Variants in ZCCHC7 observed in about 807,000 individuals in gnomAD.
The protein encoded by ZCCHC7 is zinc finger CCHC domain-containing protein 7.
A neutral mutation model predicts 52.0 loss-of-function variants in ZCCHC7; 35 were observed. The ratio of observed to expected loss-of-function variants is 0.67; its 90% confidence interval spans 0.51 to 0.89. ZCCHC7 has a LOEUF of 0.89. ZCCHC7 is among the 40% of genes least tolerant of loss of function. The pLI is 0.00. For synonymous variants in ZCCHC7, 217 were observed against 221.5 expected, an observed-to-expected ratio of 0.98 and a Z score of 0.18; for missense variants, 574 against 649.1, an observed-to-expected ratio of 0.88 and a Z score of 1.26.
intron 5 of ZCCHC7, among the ~76,000 whole-genome samples, chr9:37,308,757 G>A (rs1286677559): frequency 6.6e-6 from 1 of 152,042 alleles, no homozygotes; most frequent in Non-Finnish European, 1.5e-5. Context: ...GAGGCAGGTG[G>A]ATCACGAGGT....
intron 5 of ZCCHC7, among the ~76,000 whole-genome samples, chr9:37,322,763 A>G (rs971273092): frequency 6.6e-6 from 1 of 151,220 alleles, no homozygotes; most frequent in African/African-American, 2.4e-5. Flanking sequence ...TCATTGTTTT[A>G]TTTTTTCCTC....
At chr9:37,244,710 G>A (rs1243687962) in intron 2 of ZCCHC7, among the ~76,000 whole-genome samples, 1 of 151,730 alleles carries the variant, frequency 6.6e-6, no homozygotes, top group Non-Finnish European at 1.5e-5. Flanking sequence ...CTGTTTGTTG[G>A]CTATGGCTGT....
intron 6 of ZCCHC7, among the ~76,000 whole-genome samples, chr9:37,337,413 C>G (rs1302241813): frequency 9.1e-5 from 11 of 121,382 alleles, no homozygotes; most frequent in East Asian, 3.1e-4. Flanking sequence ...CCCCCCCCCC[C>G]CCAAAAAAAA....
At chr9:37,149,776 G>A (rs1464546911) in intron 2 of ZCCHC7, among the ~76,000 whole-genome samples, 1 of 152,110 alleles carries the variant, frequency 6.6e-6, no homozygotes, top group African/African-American at 2.4e-5. Flanking sequence ...TATGTAAGTT[G>A]CTTTGACAGA....
At chr9:37,148,479 A>G (rs1843539351) in intron 2 of ZCCHC7, among the ~76,000 whole-genome samples, 1 of 152,106 alleles carries the variant, frequency 6.6e-6, no homozygotes. Context: ...TTTTTCTTAG[A>G]CTGAGTTCCT....
intron 2 of ZCCHC7, among the ~76,000 whole-genome samples, chr9:37,267,880 T>A (rs1193617583): frequency 6.6e-6 from 1 of 152,044 alleles, no homozygotes; most frequent in Non-Finnish European, 1.5e-5. Context: ...AATTTTTTCA[T>A]TTTTTATAGA....
At chr9:37,190,037 A>T (rs988380425) in intron 2 of ZCCHC7, among the ~76,000 whole-genome samples, 7 of 152,120 alleles carry the variant, frequency 4.6e-5, no homozygotes, top group Admixed American at 1.3e-4. Context: ...TTATACTTCC[A>T]GCTACAGAGC....
At chr9:37,234,515 T>G (rs1320842189) in intron 2 of ZCCHC7, among the ~76,000 whole-genome samples, 1 of 152,246 alleles carries the variant, frequency 6.6e-6, no homozygotes, top group Non-Finnish European at 1.5e-5. Context: ...GTGAATGGTG[T>G]ACCCACCTCC....
chr9:37,357,333 G>A lies in ZCCHC7; in HGVS notation c.*65G>A, dbSNP rs1349980333. The A allele has an allele frequency of 1.4e-6, 2 of 1,437,542 alleles. No individual in the cohort carries two copies. Among genetic ancestry groups the A allele is most frequent in the South Asian group, 2.9e-5 (2 of 69,136 alleles). 89.0% of individuals were successfully genotyped at this position (1,437,542 alleles called of 1,614,324 possible). On this transcript the variant is annotated 3_prime_UTR_variant, in exon 9 of 9. Coordinates refer to ENST00000336755, the MANE Select transcript of ZCCHC7 (RefSeq NM_032226.3). The stretch of plus-strand genomic sequence containing the variant: ...TTGGCCTTTGTGTCTATAACCTTCT[G>A]GCACTGTGTTTATTATCTATGATTA...
chr9:37,127,006 A>G (rs1842567794), intron 2 of ZCCHC7, 64 bp downstream of exon 2: 9 of 1,562,206 alleles, frequency 5.8e-6, no homozygotes, highest in Non-Finnish European at 7.8e-6. Context: ...TGCTTTTCCT[A>G]GAGAAAAGAC....
chr9:37,323,903 A>C (rs1163892433), intron 5 of ZCCHC7, among the ~76,000 whole-genome samples: 1 of 152,168 alleles, frequency 6.6e-6, no homozygotes, highest in Non-Finnish European at 1.5e-5. Context: ...GGTAGCTATA[A>C]GTCTATGAAG....
chr9:37,283,943 T>A (rs74929511), intron 2 of ZCCHC7, among the ~76,000 whole-genome samples: 1 of 152,042 alleles, frequency 6.6e-6, no homozygotes, highest in African/African-American at 2.4e-5. Flanking sequence ...TTTTTTTTTT[T>A]AATCTATTCA....
At chr9:37,127,802 G>A (rs1424753444) in intron 2 of ZCCHC7, among the ~76,000 whole-genome samples, 1 of 152,166 alleles carries the variant, frequency 6.6e-6, no homozygotes, top group Non-Finnish European at 1.5e-5. Context: ...TGTAGATTGT[G>A]CTTGGAGCCC....
intron 2 of ZCCHC7, among the ~76,000 whole-genome samples, chr9:37,148,142 A>G (rs765427973): frequency 6.6e-6 from 1 of 152,160 alleles, no homozygotes; most frequent in Non-Finnish European, 1.5e-5. Flanking sequence ...TTGGGAACAA[A>G]GGCATAGATA....
chr9:37,316,731 T>C (rs1388645754), intron 5 of ZCCHC7, among the ~76,000 whole-genome samples: 1 of 152,166 alleles, frequency 6.6e-6, no homozygotes, highest in African/African-American at 2.4e-5. Context: ...TCTGTAATTG[T>C]AACTCTTTCC....
At chr9:37,291,805 T>C (rs1244211502) in intron 2 of ZCCHC7, among the ~76,000 whole-genome samples, 2 of 152,162 alleles carry the variant, frequency 1.3e-5, no homozygotes, top group Non-Finnish European at 2.9e-5. Context: ...GTGATTCTCC[T>C]GCCTCAGCCT....
intron 5 of ZCCHC7, among the ~76,000 whole-genome samples, chr9:37,315,169 T>C (rs1327030627): frequency 6.6e-6 from 1 of 151,644 alleles, no homozygotes; most frequent in Non-Finnish European, 1.5e-5. Context: ...TATATGCTTG[T>C]GTGTGTATAT....
chr9:37,185,203 A>G (rs1822585650), intron 2 of ZCCHC7, among the ~76,000 whole-genome samples: 1 of 152,166 alleles, frequency 6.6e-6, no homozygotes, highest in South Asian at 2.1e-4. Flanking sequence ...ATTGTATTTT[A>G]AAGTCCGCAA....
chr9:37,294,809 A>G (rs1323066966), intron 2 of ZCCHC7, among the ~76,000 whole-genome samples: 1 of 152,190 alleles, frequency 6.6e-6, no homozygotes, highest in Non-Finnish European at 1.5e-5. Context: ...GTCTCAGTCC[A>G]TAGAGCACTT....
Sources: gnomAD v4.1 joint callset for allele counts (sites outside exome capture counted in the v4.1 genomes callset) on GRCh38, gnomAD v4.1.1 for gene constraint, MANE v1.5 for transcripts, NCBI Gene and HGNC (gene_info 2026-07-23, HGNC 2026-07-21) for gene names.